The following CCBE1 variants were observed in gnomAD, a reference collection of about 807,000 sequenced individuals.
CCBE1 encodes the protein collagen and calcium binding EGF domains 1, also known as collagen and calcium-binding EGF domain-containing protein 1.
CCBE1 carries 37 observed loss-of-function variants against 50.0 expected under a neutral mutation model. That is an observed-to-expected ratio of 0.74 (90% CI 0.57 to 0.97). The LOEUF (loss-of-function observed/expected upper bound fraction) is 0.97. CCBE1 is among the 50% of genes least tolerant of loss of function. CCBE1 has a pLI of 0.00. For synonymous variants in CCBE1, 234 were observed against 203.7 expected (o/e 1.15, Z -1.27); for missense variants, 538 against 523.8 (o/e 1.03, Z -0.26).
At chr18:59,591,567 C>T (rs1260299387) in intron 2 of CCBE1, among the ~76,000 whole-genome samples, 1 of 152,146 alleles carries the variant, frequency 6.6e-6, no homozygotes, top group Non-Finnish European at 1.5e-5. Flanking sequence ...ACACACAGTT[C>T]ATAAGATAAA....
chr18:59,522,167 G>C (rs1469303186), intron 2 of CCBE1, among the ~76,000 whole-genome samples: 2 of 142,420 alleles, frequency 1.4e-5, no homozygotes, highest in Non-Finnish European at 3.0e-5. Context: ...AAATTTCTAT[G>C]CTAATACATA....
At chr18:59,445,196 A>C (rs903021575) in intron 7 of CCBE1, among the ~76,000 whole-genome samples, 2 of 152,140 alleles carry the variant, frequency 1.3e-5, no homozygotes, top group African/African-American at 4.8e-5. Flanking sequence ...TCTTTAATCC[A>C]TTTTGAGTTA....
chr18:59,653,716 G>A (rs17066108), intron 2 of CCBE1, among the ~76,000 whole-genome samples: 3,415 of 152,214 alleles, frequency 0.022, 145 homozygotes, highest in African/African-American at 0.078. Flanking sequence ...AAAATCCCAC[G>A]CTGACATCCA....
intron 2 of CCBE1, among the ~76,000 whole-genome samples, chr18:59,591,740 T>C (rs1029041579): frequency 3.3e-5 from 5 of 152,210 alleles, no homozygotes; most frequent in African/African-American, 1.2e-4. Context: ...AGAAAGGAAA[T>C]AGGCAATACC....
At chr18:59,656,944 A>C (rs1449108604) in intron 2 of CCBE1, among the ~76,000 whole-genome samples, 1 of 152,142 alleles carries the variant, frequency 6.6e-6, no homozygotes, top group Non-Finnish European at 1.5e-5. Context: ...TGCTAAGAAG[A>C]TGAATATAGG....
chr18:59,511,768 A>G (rs1914142759), intron 2 of CCBE1, among the ~76,000 whole-genome samples: 1 of 152,242 alleles, frequency 6.6e-6, no homozygotes, highest in South Asian at 2.1e-4. Flanking sequence ...TGATGTCATC[A>G]GCAGGCTGTT....
chr18:59,653,697 A>T (rs945235831), intron 2 of CCBE1, among the ~76,000 whole-genome samples: 1 of 152,228 alleles, frequency 6.6e-6, no homozygotes, highest in Non-Finnish European at 1.5e-5. Context: ...AAAAAAAATT[A>T]AAAAATTAAA....
At chr18:59,695,874 C>A (rs982680656) in intron 2 of CCBE1, among the ~76,000 whole-genome samples, 4 of 152,134 alleles carry the variant, frequency 2.6e-5, no homozygotes, top group Non-Finnish European at 5.9e-5. Flanking sequence ...GTTCCCCTAT[C>A]CAGTGAGAGC....
At chr18:59,517,724 AAGC>A (rs1371945444) in intron 2 of CCBE1, among the ~76,000 whole-genome samples, 1 of 152,022 alleles carries the variant, frequency 6.6e-6, no homozygotes, top group Non-Finnish European at 1.5e-5. Flanking sequence ...TGAGGACACA[AAGC>A]AGCAAGTTTT....
intron 5 of CCBE1, among the ~76,000 whole-genome samples, chr18:59,464,287 G>C (rs1911637461): frequency 6.6e-6 from 1 of 152,160 alleles, no homozygotes; most frequent in Non-Finnish European, 1.5e-5. Context: ...AATTAGCAGG[G>C]AGTGGTAGCA....
At chr18:59,696,014 G>T (rs570383264) in intron 2 of CCBE1, among the ~76,000 whole-genome samples, 23 of 152,128 alleles carry the variant, frequency 1.5e-4, no homozygotes, top group Non-Finnish European at 1.0e-4. Context: ...TATAACTACC[G>T]ATTCCCTAGC....
At chr18:59,499,326 G>A (rs1326639444) in intron 2 of CCBE1, among the ~76,000 whole-genome samples, 7 of 152,268 alleles carry the variant, frequency 4.6e-5, no homozygotes, top group South Asian at 4.1e-4. Flanking sequence ...TGATGCTTTC[G>A]TGGTGAGGGA....
chr18:59,465,566 C>A (rs1288570799), intron 5 of CCBE1: 1 of 152,194 alleles, frequency 6.6e-6, no homozygotes, highest in Admixed American at 6.5e-5. Flanking sequence ...ACTGATACTT[C>A]TGTGAAACAC....
chr18:59,471,034 T>C (rs1912008132), intron 3 of CCBE1, among the ~76,000 whole-genome samples: 1 of 152,242 alleles, frequency 6.6e-6, no homozygotes, highest in Admixed American at 6.5e-5. Context: ...TGGCATCGCC[T>C]CTAGGCAGCC....
chr18:59,592,059 A>G (rs2053278332), intron 2 of CCBE1, among the ~76,000 whole-genome samples: 1 of 152,164 alleles, frequency 6.6e-6, no homozygotes, highest in Non-Finnish European at 1.5e-5. Context: ...GCACAAAATT[A>G]CCAACAACAT....
chr18:59,547,047 G>GAGGGGGAC (rs1555690895), intron 2 of CCBE1, among the ~76,000 whole-genome samples: 6,534 of 58,498 alleles, frequency 0.11, 344 homozygotes, highest in African/African-American at 0.2. Flanking sequence ...GAGAGGGGGA[G>GAGGGGGAC]AGAGGGGGAG....
intron 2 of CCBE1, among the ~76,000 whole-genome samples, chr18:59,532,367 A>C (rs1039739991): frequency 6.6e-6 from 1 of 152,146 alleles, no homozygotes; most frequent in Non-Finnish European, 1.5e-5. Flanking sequence ...TATATGGAGA[A>C]TGTCTAGAAG....
intron 2 of CCBE1, among the ~76,000 whole-genome samples, chr18:59,616,548 T>A (rs1054844149): frequency 6.6e-6 from 1 of 152,160 alleles, no homozygotes; most frequent in Admixed American, 6.5e-5. Context: ...GGCAGTGCCA[T>A]CTTGGCTGGA....
intron 2 of CCBE1, among the ~76,000 whole-genome samples, chr18:59,495,393 C>CT (rs35872814): frequency 0.019 from 1,587 of 82,300 alleles, 22 homozygotes; most frequent in Middle Eastern, 0.069. Flanking sequence ...TCCAGGGCCT[C>CT]TTTTTTTTTT....
Sources: gnomAD v4.1 joint callset for allele counts (sites outside exome capture counted in the v4.1 genomes callset) on GRCh38, gnomAD v4.1.1 for gene constraint, MANE v1.5 for transcripts, NCBI Gene and HGNC (gene_info 2026-07-23, HGNC 2026-07-21) for gene names.